MAP4K4: variants seen among roughly 807,000 people sequenced by gnomAD.
MAP4K4 encodes the protein mitogen-activated protein kinase kinase kinase kinase 4, also known as HPK/GCK-like kinase HGK.
A neutral mutation model predicts 189.6 loss-of-function variants in MAP4K4; 38 were observed. The observed-to-expected ratio is 0.20, with a 90% CI of 0.15 to 0.26. MAP4K4 has a LOEUF of 0.26. Among genes scored for constraint, MAP4K4 ranks in the 10% least tolerant of loss-of-function variants. MAP4K4 has a pLI of 1.00. For missense variants in MAP4K4, 1,054 were observed against 1,726.9 expected, an observed-to-expected ratio of 0.61 and a Z score of 6.91; for synonymous variants, 610 against 624.3, an observed-to-expected ratio of 0.98 and a Z score of 0.34.
exon 33 of MAP4K4, chr2:101,892,009 AAAAAAAGGAAAAAAAAAAAG>A (rs2098577734): frequency 6.6e-6 from 1 of 150,886 alleles, no homozygotes; most frequent in Admixed American, 6.6e-5. Context: ...AAAAAAAAAA[AAAAAAAGGAAAAAAAAAAAG>A]AAAAAGAAAA....
exon 30 of MAP4K4, chr2:101,887,226 C>T (rs1444921813): frequency 1.2e-6 from 2 of 1,610,640 alleles, no homozygotes; most frequent in Non-Finnish European, 1.7e-6. Flanking sequence ...TGACATTTAT[C>T]TACCAACACA....
intron 2 of MAP4K4, among the ~76,000 whole-genome samples, chr2:101,715,450 T>C (rs1272503091): frequency 2.0e-5 from 3 of 152,206 alleles, no homozygotes; most frequent in Admixed American, 6.5e-5. Context: ...AAAATAACTT[T>C]ACTCTAAAGT....
In MAP4K4 at chr2:101,803,245, A is replaced by ATGATGTG. The variant is rs1553484242; in HGVS notation, c.180+12471_180+12472insATGTGTG. ...ATATGCTTGGTTGATGATGATGATGATGTGTGTGTGTGTGTGTGTATGTAT... is the reference window on the plus strand; with the variant it reads ...ATATGCTTGGTTGATGATGATGATGATGATGTGTGTGTGTGTGTGTGTGTGTATGTAT... On this transcript the variant is annotated intron_variant, in intron 3 of 32. Transcript: ENST00000324219. 6.2e-4 allele frequency among the ~76,000 whole-genome samples: 93 copies of ATGATGTG among 150,356 alleles called. 1 individual carries two copies. The highest frequency in any genetic ancestry group is 1.6e-3 in the African/African-American group (65 of 40,632).
At chr2:101,769,420 A>G (rs900479238) in intron 2 of MAP4K4, among the ~76,000 whole-genome samples, 4 of 150,772 alleles carry the variant, frequency 2.7e-5, no homozygotes, top group Admixed American at 2.6e-4. Context: ...TTTTGAGAAG[A>G]AATAAGGTAA....
chr2:101,701,307 C>G (rs1345966670), intron 2 of MAP4K4, among the ~76,000 whole-genome samples: 1 of 152,090 alleles, frequency 6.6e-6, no homozygotes, highest in African/African-American at 2.4e-5. Flanking sequence ...GAACGACTCT[C>G]CTGCAAAACT....
At chr2:101,821,826 T>G (rs548497891) in intron 3 of MAP4K4, among the ~76,000 whole-genome samples, 1 of 152,368 alleles carries the variant, frequency 6.6e-6, no homozygotes, top group African/African-American at 2.4e-5. Context: ...AATAACAGCT[T>G]AAAAAACTGC....
intron 3 of MAP4K4, among the ~76,000 whole-genome samples, chr2:101,809,957 T>A (rs1316514853): frequency 6.6e-6 from 1 of 152,256 alleles, no homozygotes. Flanking sequence ...CATGAACACA[T>A]AAGTGATTTA....
chr2:101,886,576 G>A (rs1213663787), intron 29 of MAP4K4, among the ~76,000 whole-genome samples: 1 of 152,156 alleles, frequency 6.6e-6, no homozygotes, highest in Admixed American at 6.5e-5. Context: ...GATCTGGAAA[G>A]GGAGATTTGG....
intron 27 of MAP4K4, among the ~76,000 whole-genome samples, chr2:101,880,212 G>GT (rs1289422166): frequency 6.6e-6 from 1 of 152,118 alleles, no homozygotes; most frequent in East Asian, 1.9e-4. Flanking sequence ...CAACTTACTA[G>GT]TTTTTTCTTT....
chr2:101,816,798 C>T (rs2149243444), intron 3 of MAP4K4, among the ~76,000 whole-genome samples: 1 of 152,268 alleles, frequency 6.6e-6, no homozygotes, highest in Middle Eastern at 3.4e-3. Context: ...AACAGCCAGC[C>T]TCTAGTTCTT....
intron 4 of MAP4K4, 137 bp from the exon 5 acceptor site, chr2:101,825,182 G>T: frequency 1.7e-6 from 1 of 574,012 alleles, no homozygotes; most frequent in Non-Finnish European, 3.1e-6. Context: ...AGTTATTTAG[G>T]TGCCTCCAAA....
At chr2:101,778,737 C>T (rs2085675362) in intron 2 of MAP4K4, among the ~76,000 whole-genome samples, 1 of 152,160 alleles carries the variant, frequency 6.6e-6, no homozygotes, top group Admixed American at 6.5e-5. Flanking sequence ...GCTTTTTACT[C>T]CTCAGGGTTT....
chr2:101,819,234 A>G (rs866455062), intron 3 of MAP4K4, among the ~76,000 whole-genome samples: 33 of 151,528 alleles, frequency 2.2e-4, no homozygotes, highest in African/African-American at 7.7e-4. Context: ...GTATGTGTGT[A>G]TGTACTTAAG....
intron 15 of MAP4K4, 129 bp from the exon 16 acceptor site, chr2:101,860,696 C>T: frequency 1.4e-6 from 1 of 714,616 alleles, no homozygotes; most frequent in Admixed American, 3.0e-5. Context: ...TCCAGCTACC[C>T]CTCTCTTTTC....
chr2:101,875,510 G>A (rs1321165676), intron 26 of MAP4K4, among the ~76,000 whole-genome samples: 1 of 152,090 alleles, frequency 6.6e-6, no homozygotes, highest in Non-Finnish European at 1.5e-5. Flanking sequence ...CTGTAGGAGC[G>A]TTGTTCTCTC....
chr2:101,741,229 G>A (rs372311293), intron 2 of MAP4K4, among the ~76,000 whole-genome samples: 2 of 146,888 alleles, frequency 1.4e-5, no homozygotes, highest in African/African-American at 5.1e-5. Flanking sequence ...GTGCAGTGGC[G>A]TGATCTTGGC....
At chr2:101,774,864 G>A (rs1046952957) in intron 2 of MAP4K4, among the ~76,000 whole-genome samples, 5 of 152,052 alleles carry the variant, frequency 3.3e-5, no homozygotes, top group Admixed American at 2.0e-4. Context: ...CTCCTAGGTA[G>A]GCTCTTGGGT....
At chr2:101,874,109 C>T (rs368665024) in exon 26 of MAP4K4, 2 of 1,613,460 alleles carry the variant, frequency 1.2e-6, no homozygotes, top group African/African-American at 2.7e-5. Context: ...GGGATGAGAC[C>T]AGAAGCCATA....
chr2:101,726,741 T>G (rs1022867987), intron 2 of MAP4K4, among the ~76,000 whole-genome samples: 1 of 152,188 alleles, frequency 6.6e-6, no homozygotes, highest in African/African-American at 2.4e-5. Context: ...TGTGGTTTGT[T>G]TGGCTGGATT....
Sources: allele counts gnomAD v4.1 joint callset (sites outside exome capture counted in the v4.1 genomes callset), GRCh38; gene constraint gnomAD v4.1.1; transcripts MANE v1.5; gene names NCBI Gene and HGNC (gene_info 2026-07-23, HGNC 2026-07-21).